The following CYP7B1 variants were observed in gnomAD, a reference collection of about 807,000 sequenced individuals.
CYP7B1 encodes cytochrome P450 family 7 subfamily B member 1.
Under a neutral mutation model 42.7 loss-of-function variants are expected in CYP7B1, and 29 were observed. The observed-to-expected ratio is 0.68, with a 90% confidence interval of 0.51 to 0.93. CYP7B1 has a LOEUF of 0.93. CYP7B1 is among the 40% of genes least tolerant of loss of function. CYP7B1 has a pLI of 0.00. For synonymous variants in CYP7B1, 235 were observed against 218.2 expected (o/e 1.08, Z -0.68); for missense variants, 655 against 600.5 (o/e 1.09, Z -0.95).
At position 64,674,013 on chromosome 8, in the gene CYP7B1, T is replaced by C. The variant is rs143587252; in HGVS notation, c.123-49474A>G. On this transcript the variant is annotated intron_variant, in intron 1 of 5. Transcript: ENST00000310193. The stretch of plus-strand genomic sequence containing the variant: ...GCCCAGCAGCTGGCTCATCTGCTTT[T>C]TTTCACCCCTTCCCTCCACTTGGCC... Among the ~76,000 whole-genome samples the C allele has an allele frequency of 3.7e-3, 570 of 152,184 alleles. 3 individuals carry two copies. The highest frequency in any genetic ancestry group is 0.013 in the African/African-American group (533 of 41,534).
At chr8:64,683,538 C>T (rs190840770) in intron 1 of CYP7B1, among the ~76,000 whole-genome samples, 1 of 152,158 alleles carries the variant, frequency 6.6e-6, no homozygotes, top group Admixed American at 6.5e-5. Flanking sequence ...AATAGGGATA[C>T]TATAGTTAGT....
chr8:64,686,019 G>A (rs1278951281), intron 1 of CYP7B1, among the ~76,000 whole-genome samples: 3 of 88,932 alleles, frequency 3.4e-5, no homozygotes. Flanking sequence ...GAGCCCCTCA[G>A]CCCGGCCAGC....
At chr8:64,758,876 C>T (rs1162671211) in intron 1 of CYP7B1, among the ~76,000 whole-genome samples, 4 of 152,174 alleles carry the variant, frequency 2.6e-5, no homozygotes, top group Non-Finnish European at 4.4e-5. Context: ...GCTACAAGAT[C>T]GGTATTGCCC....
intron 1 of CYP7B1, among the ~76,000 whole-genome samples, chr8:64,740,355 A>G: frequency 6.6e-6 from 1 of 152,134 alleles, no homozygotes; most frequent in Admixed American, 6.5e-5. Flanking sequence ...AATAATATAT[A>G]TATTTACATA....
intron 1 of CYP7B1, among the ~76,000 whole-genome samples, chr8:64,680,481 ACATGAAATC>A (rs1806519561): frequency 1.3e-5 from 2 of 152,114 alleles, no homozygotes; most frequent in African/African-American, 4.8e-5. Flanking sequence ...TAGATGAAAA[ACATGAAATC>A]AGACCTTCTG....
chr8:64,745,698 C>T (rs1248171013), intron 1 of CYP7B1, among the ~76,000 whole-genome samples: 1 of 152,154 alleles, frequency 6.6e-6, no homozygotes, highest in African/African-American at 2.4e-5. Flanking sequence ...TACTGAGGTA[C>T]ATATTGGCCA....
At chr8:64,607,398 TA>T (rs5891968) in intron 4 of CYP7B1, among the ~76,000 whole-genome samples, 87,931 of 143,966 alleles carry the variant, frequency 0.61, 26,258 homozygotes, top group Middle Eastern at 0.63. Flanking sequence ...GCTCTAGAAT[TA>T]AAAAAAAAAA....
Position 64,615,147 on chromosome 8 carries a change from T to C in CYP7B1, c.936A>G (p.Pro312=). The stretch of plus-strand genomic sequence containing the variant: ...CGTCACGCACTGCTGCCATAGCTTC[T>C]GGGTGCCGCAGAAGATAATACATTG... ...FWAMYYLLRH[P]EAMAAVRDEI... Residue 312 remains proline, a synonymous_variant, in exon 4 of 6, where the codon CCA becomes CCG. Transcript: ENST00000310193. The C allele has an allele frequency of 5.6e-6, 9 of 1,613,716 alleles. No individual in the cohort carries two copies. The highest frequency in any genetic ancestry group is 2.2e-5 in the South Asian group (2 of 91,070).
Position 64,707,691 on chromosome 8 carries a change from GT to G in CYP7B1, c.123-83153del, listed in dbSNP as rs544341888. On this transcript the variant is annotated intron_variant, in intron 1 of 5. Transcript: ENST00000310193. ...CAAACATTTACATTTTATTCAATTA[GT>G]TTTTTTTTTCACTTTTCTTGCACTC... Among the ~76,000 whole-genome samples, 1,471 of 148,080 alleles carry G rather than the reference GT, an allele frequency of 9.9e-3. 22 individuals are homozygous for G. The highest frequency in any genetic ancestry group is 0.033 in the African/African-American group (1,316 of 40,398).
Position 64,616,134 on chromosome 8 carries a change from T to C in CYP7B1, c.407A>G (p.Asp136Gly). The C allele has an allele frequency of 1.9e-6, 3 of 1,613,726 alleles. No homozygotes were observed. Among genetic ancestry groups the C allele is most frequent in the Non-Finnish European group, 2.5e-6 (3 of 1,179,788 alleles). ...AAATTGATAGCAGAGGTGAAGCTCATCATTCATGTCATGATTTTTTTGCAA... is the reference window on the plus strand; with the variant it reads ...AAATTGATAGCAGAGGTGAAGCTCACCATTCATGTCATGATTTTTTTGCAA... ...SQLQKNHDMN[D>G]ELHLCYQFLQ... The change falls in exon 3 of 6, where the codon GAT (aspartate) becomes GGT (glycine). Residue 136 changes from aspartate (D) to glycine (G), a missense_variant. Asp to Gly is a moderately conservative substitution (Grantham distance 94, BLOSUM62 -1). Transcript: ENST00000310193.
intron 1 of CYP7B1, among the ~76,000 whole-genome samples, chr8:64,668,629 T>C (rs1468901130): frequency 1.3e-5 from 2 of 151,198 alleles, no homozygotes; most frequent in African/African-American, 4.9e-5. Context: ...GACATAGTAG[T>C]ACATGAAATA....
chr8:64,624,217 C>A (rs1805573229), intron 2 of CYP7B1, among the ~76,000 whole-genome samples, 186 bp downstream of exon 2: 1 of 151,608 alleles, frequency 6.6e-6, no homozygotes, highest in Admixed American at 6.6e-5. Flanking sequence ...GAAGAGAGTT[C>A]TATAATTTGA....
intron 1 of CYP7B1, among the ~76,000 whole-genome samples, chr8:64,684,651 A>C (rs2129632034): frequency 6.6e-6 from 1 of 152,360 alleles, no homozygotes; most frequent in South Asian, 2.1e-4. Context: ...ATGAACCTAC[A>C]AATGGCACCT....
intron 1 of CYP7B1, among the ~76,000 whole-genome samples, chr8:64,733,993 TA>T (rs11341847): frequency 0.014 from 2,097 of 151,930 alleles, 56 homozygotes; most frequent in African/African-American, 0.046. Flanking sequence ...AAATTAAAAT[TA>T]AAAAAATAAA....
intron 1 of CYP7B1, among the ~76,000 whole-genome samples, chr8:64,726,687 T>C (rs931231503): frequency 2.0e-5 from 3 of 152,234 alleles, no homozygotes; most frequent in Non-Finnish European, 2.9e-5. Flanking sequence ...TTGTGTGGCC[T>C]GTACAAATAC....
intron 1 of CYP7B1, among the ~76,000 whole-genome samples, chr8:64,665,047 CAT>C: frequency 6.6e-6 from 1 of 152,242 alleles, no homozygotes. Flanking sequence ...TTCTATGTGT[CAT>C]ATGTGAAAAC....
At chr8:64,716,466 G>T (rs1313929035) in intron 1 of CYP7B1, among the ~76,000 whole-genome samples, 4 of 152,116 alleles carry the variant, frequency 2.6e-5, no homozygotes, top group African/African-American at 7.2e-5. Context: ...CAGCACTTTG[G>T]GAGGCCGAGG....
At chr8:64,721,793 A>C (rs2129632881) in intron 1 of CYP7B1, among the ~76,000 whole-genome samples, 1 of 152,304 alleles carries the variant, frequency 6.6e-6, no homozygotes, top group East Asian at 1.9e-4. Context: ...ATAGATAGCA[A>C]GATACACAGC....
chr8:64,723,048 T>A (rs1385494541), intron 1 of CYP7B1, among the ~76,000 whole-genome samples: 1 of 152,128 alleles, frequency 6.6e-6, no homozygotes, highest in Non-Finnish European at 1.5e-5. Flanking sequence ...AACTATACAA[T>A]CATTAGCCCT....
Sources: gnomAD v4.1 joint callset for allele counts (sites outside exome capture counted in the v4.1 genomes callset) on GRCh38, gnomAD v4.1.1 for gene constraint, MANE v1.5 for transcripts, NCBI Gene and HGNC (gene_info 2026-07-23, HGNC 2026-07-21) for gene names.